CDC42SE2: variants seen among roughly 807,000 people sequenced by gnomAD.
The protein encoded by CDC42SE2 is CDC42 small effector 2, also known as CDC42 small effector protein 2.
In CDC42SE2, 3 loss-of-function variants were observed where a neutral mutation model predicts 11.5. The ratio of observed to expected loss-of-function variants is 0.26; its 90% CI spans 0.12 to 0.67. The LOEUF (loss-of-function observed/expected upper bound fraction) is 0.67. Ranked by LOEUF, CDC42SE2 falls within the 30% of genes least tolerant of loss-of-function variation. CDC42SE2 has a pLI of 0.80. For synonymous variants in CDC42SE2, 33 were observed against 34.8 expected (o/e 0.95, Z 0.18); for missense variants, 82 against 106.8 (o/e 0.77, Z 1.02).
At chr5:131,353,127 A>C (rs915142296) in intron 2 of CDC42SE2, among the ~76,000 whole-genome samples, 1 of 151,826 alleles carries the variant, frequency 6.6e-6, no homozygotes, top group African/African-American at 2.4e-5. Flanking sequence ...CACCACACCC[A>C]GCTAATTTTT....
intron 2 of CDC42SE2, among the ~76,000 whole-genome samples, chr5:131,336,197 G>T (rs1758556883): frequency 6.6e-6 from 1 of 152,190 alleles, no homozygotes; most frequent in South Asian, 2.1e-4. Flanking sequence ...TTGCTTGTCT[G>T]TAAAGGATTT....
At chr5:131,289,739 T>A (rs73249204) in intron 1 of CDC42SE2, among the ~76,000 whole-genome samples, 18,605 of 152,118 alleles carry the variant, frequency 0.12, 2,632 homozygotes, top group African/African-American at 0.34. Context: ...TTTGCTCACA[T>A]GAGACTTTTC....
chr5:131,242,201 A>G (rs548304423), upstream of CDC42SE2, among the ~76,000 whole-genome samples: 31 of 152,340 alleles, frequency 2.0e-4, no homozygotes, highest in African/African-American at 7.2e-4. Context: ...AAGGACGGGT[A>G]GTAGTTGTCC....
At chr5:131,384,913 CA>C (rs34252680) in intron 3 of CDC42SE2, among the ~76,000 whole-genome samples, 14,522 of 72,016 alleles carry the variant, frequency 0.2, 1,790 homozygotes, top group African/African-American at 0.48. Context: ...GACTCCATCT[CA>C]AAAAAAAAAA....
chr5:131,368,805 T>C (rs904840882), intron 3 of CDC42SE2, among the ~76,000 whole-genome samples: 16 of 152,180 alleles, frequency 1.1e-4, no homozygotes, highest in African/African-American at 3.9e-4. Flanking sequence ...AGACATTATA[T>C]CATTTTGTCC....
upstream of CDC42SE2, among the ~76,000 whole-genome samples, chr5:131,261,913 C>CT (rs780842618): frequency 0.037 from 4,920 of 134,466 alleles, 287 homozygotes; most frequent in African/African-American, 0.12. Flanking sequence ...CCTTAATTGA[C>CT]TTTTTTTTTT....
At chr5:131,331,250 G>A (rs1758414107) in intron 2 of CDC42SE2, among the ~76,000 whole-genome samples, 1 of 151,958 alleles carries the variant, frequency 6.6e-6, no homozygotes, top group Non-Finnish European at 1.5e-5. Context: ...TTTTTATGTT[G>A]GAATTAATGT....
chr5:131,391,807 C>T lies in CDC42SE2; in HGVS notation c.*716C>T, dbSNP rs1201882135. On this transcript the variant is annotated 3_prime_UTR_variant, in exon 5 of 5. Coordinates refer to ENST00000505065, the MANE Select transcript of CDC42SE2 (RefSeq NM_001375635.1). ...AACCCTGAAAATGTAGAAATAATTT[C>T]AAGTTTTTTTTTGTTTTATAGGGTT... 2.0e-5 allele frequency: 3 copies of T among 150,994 alleles called. No homozygotes were observed. The highest frequency in any genetic ancestry group is 4.4e-5 in the Non-Finnish European group (3 of 67,988). 9.4% of individuals were successfully genotyped at this position (150,994 alleles called of 1,614,324 possible). A position where few individuals can be genotyped will look rare whatever the true frequency, so the allele number is the denominator to read the frequency against.
chr5:131,369,968 A>T (rs562430427), intron 3 of CDC42SE2, among the ~76,000 whole-genome samples: 1 of 152,236 alleles, frequency 6.6e-6, no homozygotes, highest in Non-Finnish European at 1.5e-5. Context: ...TGTTTCTAGT[A>T]ACTCTTACAG....
At chr5:131,307,439 G>C (rs924392451) in intron 1 of CDC42SE2, among the ~76,000 whole-genome samples, 1 of 151,910 alleles carries the variant, frequency 6.6e-6, no homozygotes, top group East Asian at 1.9e-4. Context: ...GTGTATATGT[G>C]CCACATTTTC....
intron 2 of CDC42SE2, among the ~76,000 whole-genome samples, chr5:131,349,757 A>G (rs910566216): frequency 3.3e-5 from 5 of 151,272 alleles, no homozygotes; most frequent in African/African-American, 2.5e-5. Flanking sequence ...AAAAATGTAC[A>G]TAGTGTTAAA....
chr5:131,272,381 C>G (rs1757011537), intron 1 of CDC42SE2, among the ~76,000 whole-genome samples: 1 of 152,078 alleles, frequency 6.6e-6, no homozygotes, highest in Non-Finnish European at 1.5e-5. Flanking sequence ...CTTTTAATAC[C>G]TCTCGTCAAA....
intron 1 of CDC42SE2, among the ~76,000 whole-genome samples, chr5:131,270,474 AT>A (rs1358569189): frequency 6.6e-6 from 1 of 152,254 alleles, no homozygotes; most frequent in Admixed American, 6.5e-5. Flanking sequence ...GCAAAAATGA[AT>A]TTTGAGTACA....
the CDC42SE2 span, among the ~76,000 whole-genome samples, chr5:131,212,387 C>T: frequency 3.3e-5 from 5 of 152,140 alleles, no homozygotes; most frequent in Admixed American, 6.5e-5. Flanking sequence ...GGATTACAGG[C>T]GTGAGCTACT....
intron 4 of CDC42SE2, among the ~76,000 whole-genome samples, chr5:131,390,071 C>A (rs1393622486): frequency 2.6e-5 from 4 of 152,182 alleles, no homozygotes; most frequent in Non-Finnish European, 5.9e-5. Context: ...CAGGAAACAG[C>A]CCTGCAATGT....
chr5:131,266,954 CTTTTTTT>C (rs34496996), intron 1 of CDC42SE2, among the ~76,000 whole-genome samples: 1 of 69,514 alleles, frequency 1.4e-5, no homozygotes, highest in Non-Finnish European at 2.8e-5. Context: ...AAGTGTTTGG[CTTTTTTT>C]TTTTTTTTTT....
intron 1 of CDC42SE2, among the ~76,000 whole-genome samples, chr5:131,287,210 G>T (rs1757359399): frequency 6.6e-6 from 1 of 151,974 alleles, no homozygotes; most frequent in Admixed American, 6.6e-5. Flanking sequence ...GGCCATGCTG[G>T]TCTCAAACTC....
intron 2 of CDC42SE2, among the ~76,000 whole-genome samples, chr5:131,337,452 G>T (rs1306193184): frequency 6.6e-6 from 1 of 152,238 alleles, no homozygotes; most frequent in Non-Finnish European, 1.5e-5. Flanking sequence ...CCCGTTCTCA[G>T]ATTTGAAGCT....
rs536168099 is a variant in CDC42SE2 at position 131,374,116 on chromosome 5, TACAAA to T, written c.55-11410_55-11406del. 4.0e-3 allele frequency among the ~76,000 whole-genome samples: 613 copies of T among 152,072 alleles called. 6 individuals are homozygous for T. The highest frequency in any genetic ancestry group is 0.014 in the African/African-American group (590 of 41,464). On this transcript the variant is annotated intron_variant, in intron 3 of 4. Transcript: ENST00000505065. Reference sequence around the variant, plus strand: ...ATACTAGGGGAAAATTTCCCTGAACTACAAAACAAAACAAAACAAAAAACAGTAGT... The same window carrying T: ...ATACTAGGGGAAAATTTCCCTGAACTACAAAACAAAACAAAAAACAGTAGT...
Sources: gnomAD v4.1 joint callset for allele counts (sites outside exome capture counted in the v4.1 genomes callset) on GRCh38, gnomAD v4.1.1 for gene constraint, MANE v1.5 for transcripts, NCBI Gene and HGNC (gene_info 2026-07-23, HGNC 2026-07-21) for gene names.